Variants in ZDHHC6 observed in about 807,000 individuals in gnomAD.
ZDHHC6 encodes the protein zDHHC palmitoyltransferase 6, also known as palmitoyltransferase ZDHHC6.
In ZDHHC6, 32 loss-of-function variants were observed where a neutral mutation model predicts 57.8. That is an observed-to-expected ratio of 0.55 (90% CI 0.42 to 0.74). The LOEUF is 0.74. Ranked by LOEUF, ZDHHC6 falls within the 30% of genes least tolerant of loss-of-function variation. The probability of loss-of-function intolerance (pLI) is 0.00; values close to 1 mark genes in which losing one functional copy is unlikely to be tolerated. For missense variants in ZDHHC6, 433 were observed against 500.7 expected, an observed-to-expected ratio of 0.86 and a Z score of 1.29; for synonymous variants, 128 against 158.0, an observed-to-expected ratio of 0.81 and a Z score of 1.42.
At chr10:112,446,490 A>G (rs925566971) in intron 1 of ZDHHC6, 2 of 152,354 alleles carry the variant, frequency 1.3e-5, no homozygotes, top group South Asian at 2.1e-4. Flanking sequence ...TCTGAGCTAC[A>G]TGGATAATAC....
intron 5 of ZDHHC6, 38 bp downstream of exon 5, chr10:112,440,496 A>T (rs996373580): frequency 6.3e-7 from 1 of 1,587,590 alleles, no homozygotes; most frequent in Non-Finnish European, 8.6e-7. Context: ...AGTCCCAACA[A>T]CTTGACACTT....
At chr10:112,447,459 T>C (rs1388971729), upstream of ZDHHC6, 1 of 1,613,176 alleles carries the variant, frequency 6.2e-7, no homozygotes, top group Non-Finnish European at 8.5e-7. Flanking sequence ...GTCCCACGAC[T>C]CCCGCCTGGT....
At chr10:112,426,767 A>G (rs763853089), downstream of ZDHHC6, 1 of 1,610,266 alleles carries the variant, frequency 6.2e-7, no homozygotes, top group Non-Finnish European at 8.5e-7. Flanking sequence ...CCATGCTTTA[A>G]GTGATGTTTT....
intron 10 of ZDHHC6, among the ~76,000 whole-genome samples, chr10:112,431,925 T>C (rs545532890): frequency 6.6e-6 from 1 of 152,240 alleles, no homozygotes; most frequent in South Asian, 2.1e-4. Context: ...TGTGCTTCAG[T>C]TCCCTCAATC....
chr10:112,447,345 T>G (rs770507960), upstream of ZDHHC6: 1 of 1,607,846 alleles, frequency 6.2e-7, no homozygotes, highest in African/African-American at 1.3e-5. Context: ...ACCTAGGCTT[T>G]GGCCTGGGCT....
downstream of ZDHHC6, chr10:112,428,238 C>G: frequency 2.6e-6 from 1 of 382,310 alleles, no homozygotes; most frequent in Middle Eastern, 6.7e-4. Flanking sequence ...GATGCCCACA[C>G]AACAGGCTTA....
rs1001173364 is a variant in ZDHHC6 at position 112,440,498 on chromosome 10, T to C, written c.681+36A>G. Reference sequence around the variant, plus strand: ...TTCTTGTGCAATCAGTCCCAACAACTTGACACTTTTGACTTGAGGTAATTG... The same window carrying C: ...TTCTTGTGCAATCAGTCCCAACAACCTGACACTTTTGACTTGAGGTAATTG... On this transcript the variant is annotated intron_variant, in intron 5 of 10. Coordinates refer to ENST00000369405, the MANE Select transcript of ZDHHC6 (RefSeq NM_022494.3). 4 of 1,588,182 alleles carry C rather than the reference T, an allele frequency of 2.5e-6. No individual in the cohort carries two copies. The African/African-American group carries it at 4.0e-5, about 16-fold the overall frequency.
intron 7 of ZDHHC6, among the ~76,000 whole-genome samples, 156 bp downstream of exon 7, chr10:112,434,141 T>A (rs1037027143): frequency 1.3e-5 from 2 of 152,198 alleles, no homozygotes; most frequent in African/African-American, 4.8e-5. Flanking sequence ...GGGAGATACA[T>A]GATACAAGGA....
In ZDHHC6 at chr10:112,446,787, C is replaced by T. The variant is rs1270789001; in HGVS notation, c.-297G>A. On this transcript the variant is annotated 5_prime_UTR_variant, in exon 1 of 11. Coordinates refer to ENST00000369405, the MANE Select transcript of ZDHHC6 (RefSeq NM_022494.3). ...CTCACCCGGAACAGATTTTTTCCTC[C>T]TTGGATGACTCCGTCATGGACACCT... is the stretch of plus-strand genomic sequence containing the variant. The T allele has an allele frequency of 5.9e-6, 1 of 169,866 alleles. No homozygotes were observed. The highest frequency in any genetic ancestry group is 2.4e-5 in the African/African-American group (1 of 41,962). The allele number at this position is 169,866 out of a possible 1,614,324, so 10.5% of individuals were successfully genotyped here.
chr10:112,436,651 T>C (rs1358487493), intron 6 of ZDHHC6, among the ~76,000 whole-genome samples: 1 of 152,226 alleles, frequency 6.6e-6, no homozygotes. Context: ...TACTGAAATG[T>C]TATTTGTCTT....
chr10:112,429,779 T>C (rs1024263955), downstream of ZDHHC6, among the ~76,000 whole-genome samples: 1 of 152,192 alleles, frequency 6.6e-6, no homozygotes, highest in East Asian at 1.9e-4. Context: ...CCTTGGGGTG[T>C]TGCTTCCCCA....
rs184200984 is a variant in ZDHHC6, at chr10:112,433,490, C to T, written c.904-209G>A. On this transcript the variant is annotated intron_variant, in intron 7 of 10. Transcript: ENST00000369405. ...GAGGCTGAGAGTGAGGTTTTCTTCT[C>T]GCTATTCACTCTCTAATGTCCTCAT... The T allele has an allele frequency of 1.4e-4, 60 of 437,154 alleles. 1 individual carries two copies. Among genetic ancestry groups the T allele is most frequent in the Non-Finnish European group, 2.0e-4 (50 of 244,954 alleles). The allele number at this position is 437,154 out of a possible 1,614,324, so 27.1% of individuals were successfully genotyped here.
upstream of ZDHHC6, chr10:112,447,177 C>G: frequency 1.8e-6 from 1 of 554,706 alleles, no homozygotes; most frequent in East Asian, 2.8e-5. Flanking sequence ...AAATAAAGCA[C>G]GCACGCAACC....
In ZDHHC6 at chr10:112,443,596, T is replaced by G; in HGVS notation, c.278A>C (p.Gln93Pro). The G allele has an allele frequency of 6.2e-7, 1 of 1,611,358 alleles. No individual in the cohort carries two copies. The highest frequency in any genetic ancestry group is 8.5e-7 in the Non-Finnish European group (1 of 1,178,220). The change falls in exon 3 of 11, where the codon CAG becomes CCG. Residue 93 changes from glutamine (Q) to proline (P), a missense_variant. Physicochemically the swap from Gln to Pro is moderately conservative, Grantham distance 76 (BLOSUM62 -1). Transcript: ENST00000369405. ...ACAATACTGGAGATACATGGTATCC[T>G]GAGAAATTTCCTTGGCAGCAAAACA... is the stretch of plus-strand genomic sequence containing the variant. Reference protein sequence around the residue: ...VPLGWKPEISQDTMYLQYCKV... With the variant: ...VPLGWKPEISPDTMYLQYCKV...
At chr10:112,431,877 T>C (rs1231951468) in intron 10 of ZDHHC6, among the ~76,000 whole-genome samples, 4 of 152,190 alleles carry the variant, frequency 2.6e-5, no homozygotes, top group Admixed American at 6.5e-5. Flanking sequence ...CCTAGCTCCA[T>C]CTGTTTTCAG....
intron 6 of ZDHHC6, 108 bp from the exon 7 acceptor site, chr10:112,434,572 C>T (rs1233910060): frequency 6.1e-6 from 7 of 1,144,768 alleles, no homozygotes; most frequent in Non-Finnish European, 8.5e-6. Flanking sequence ...CATAAAAATA[C>T]TTCCTCCTTG....
At chr10:112,429,903 C>G (rs73363063), downstream of ZDHHC6, among the ~76,000 whole-genome samples, 1 of 143,794 alleles carries the variant, frequency 7.0e-6, no homozygotes, top group Non-Finnish European at 1.5e-5. Flanking sequence ...TCACAGCACC[C>G]GGGCTTGGCC....
chr10:112,427,095 G>A, downstream of ZDHHC6: 1 of 1,025,298 alleles, frequency 9.8e-7, no homozygotes, highest in African/African-American at 1.6e-5. Context: ...GAATGGGCAT[G>A]TGTTACTGTT....
At chr10:112,427,463 A>G, downstream of ZDHHC6, 1 of 1,102,010 alleles carries the variant, frequency 9.1e-7, no homozygotes, top group Non-Finnish European at 1.3e-6. Flanking sequence ...TTTTTTTTTA[A>G]CCTGTTAAAC....
Sources: gnomAD v4.1 joint callset for allele counts (sites outside exome capture counted in the v4.1 genomes callset) on GRCh38, gnomAD v4.1.1 for gene constraint, MANE v1.5 for transcripts, NCBI Gene and HGNC (gene_info 2026-07-23, HGNC 2026-07-21) for gene names.